The following MAGEE1 variants were observed in gnomAD, a reference collection of about 807,000 sequenced individuals.
The protein encoded by MAGEE1 is melanoma-associated antigen E1.
MAGEE1 carries 3 observed loss-of-function variants against 12.0 expected under a neutral mutation model. The ratio of observed to expected loss-of-function variants is 0.25; its 90% confidence interval spans 0.11 to 0.65. The LOEUF (loss-of-function observed/expected upper bound fraction) is 0.65, where lower values mean the gene tolerates loss of function less well. Ranked by LOEUF, MAGEE1 falls within the 30% of genes least tolerant of loss-of-function variation. The probability of loss-of-function intolerance (pLI) is 0.84; values close to 1 mark genes in which losing one functional copy is unlikely to be tolerated. For synonymous variants in MAGEE1, 414 were observed against 326.1 expected, an observed-to-expected ratio of 1.27 and a Z score of -2.91; for missense variants, 729 against 772.2, an observed-to-expected ratio of 0.94 and a Z score of 0.66.
Position 76,428,353 on chromosome X carries a change from G to T in MAGEE1, c.423G>T (p.Pro141=), listed in dbSNP as rs782562125. ...AASEGRNTSR[P]PTSSEEPSTS... is the part of the protein sequence containing the mutation. ...CTGAGGGCCGGAACACCTCCAGGCC[G>T]CCCACTTCCTCTGAGGAACCTAGCA... The change falls in exon 1 of 1, where the codon CCG becomes CCT. Residue 141 remains proline, a synonymous_variant. Coordinates refer to ENST00000361470, the MANE Select transcript of MAGEE1 (RefSeq NM_020932.3). 2 of 1,211,375 alleles carry T rather than the reference G, an allele frequency of 1.7e-6. No homozygotes were observed. The highest frequency in any genetic ancestry group is 2.2e-6 in the Non-Finnish European group (2 of 895,429).
Position 76,429,565 on chromosome X carries a change from G to T in MAGEE1, c.1635G>T (p.Arg545Ser). The T allele has an allele frequency of 1.7e-6, 2 of 1,211,470 alleles. No homozygotes were observed. The highest frequency in any genetic ancestry group is 2.2e-6 in the Non-Finnish European group (2 of 895,462). Residue 545 changes from arginine to serine, a missense_variant, in exon 1 of 1, where the codon AGG becomes AGT. Arg to Ser is a moderately radical substitution (Grantham distance 110). Around this residue, in one of 4 missense-constraint regions of MAGEE1, gnomAD observed 91 missense variants for 133.8 expected, o/e 0.68. Transcript: ENST00000361470. ...RAAAHLECIF[R>S]FELRELDPEA... ...CAGCCCACCTGGAGTGCATTTTTAG[G>T]TTTGAATTGAGAGAACTTGACCCTG...
rs782664668 is a variant in MAGEE1 at position 76,429,875 on chromosome X, G to A, written c.1945G>A (p.Val649Met). The A allele has an allele frequency of 1.5e-4, 180 of 1,209,825 alleles. 1 individual carries two copies. Among genetic ancestry groups the A allele is most frequent in the Non-Finnish European group, 2.0e-4 (177 of 895,263 alleles). ...CAGGCCAGTAACTGACTGTAAACCAGTGGAGTATGAGTTTTTCTGGGGCCC... is the reference window on the plus strand; with the variant it reads ...CAGGCCAGTAACTGACTGTAAACCAATGGAGTATGAGTTTTTCTGGGGCCC... ...DYRPVTDCKP[V>M]EYEFFWGPRS... Residue 649 changes from valine (V) to methionine (M), a missense_variant, in exon 1 of 1, where the codon GTG becomes ATG. Val to Met is a conservative substitution (Grantham distance 21). This residue lies in a region of MAGEE1 where 91 missense variants were observed against 133.8 expected (regional missense o/e 0.68). Coordinates refer to ENST00000361470, the MANE Select transcript of MAGEE1 (RefSeq NM_020932.3).
Position 76,428,700 on chromosome X carries a change from G to T in MAGEE1, c.770G>T (p.Ser257Ile). ...PVPPTRDEGPSTSVPATPGEG... is the reference protein window; with the variant it reads ...PVPPTRDEGPITSVPATPGEG... ...CCACCCACCCGTGATGAGGGACCGA[G>T]CACCTCCGTGCCGGCCACTCCTGGT... is the stretch of plus-strand genomic sequence containing the variant. Residue 257 changes from serine (S) to isoleucine (I), a missense_variant, in exon 1 of 1, where the codon AGC (serine) becomes ATC (isoleucine). Around this residue, in one of 4 missense-constraint regions of MAGEE1, gnomAD observed 473 missense variants for 423.7 expected, o/e 1.12. Transcript: ENST00000361470. The T allele has an allele frequency of 1.7e-6, 2 of 1,209,679 alleles. No individual in the cohort carries two copies. Among genetic ancestry groups the T allele is most frequent in the Non-Finnish European group, 2.2e-6 (2 of 894,537 alleles).
Position 76,430,792 on chromosome X carries a change from C to G in MAGEE1, c.2862C>G (p.His954Gln). The change falls in exon 1 of 1, where the codon CAC (histidine) becomes CAG (glutamine). Residue 954 changes from histidine to glutamine, a missense_variant. Physicochemically the swap from His to Gln is conservative, Grantham distance 24. This residue lies in a region of MAGEE1 where 101 missense variants were observed against 161.3 expected (regional missense o/e 0.63). Transcript: ENST00000361470. ...ADVGHRQIFVHNFR is the reference protein window; with the variant it reads ...ADVGHRQIFVQNFR ...TTGGGCACAGGCAAATCTTTGTTCACAACTTCAGGTAGAGGAATGCATGGC... is the reference window on the plus strand; with the variant it reads ...TTGGGCACAGGCAAATCTTTGTTCAGAACTTCAGGTAGAGGAATGCATGGC... 9.1e-7 allele frequency: 1 copy of G among 1,094,137 alleles called. No individual in the cohort carries two copies. Among genetic ancestry groups the G allele is most frequent in the African/African-American group, 1.9e-5 (1 of 51,378 alleles). The allele number at this position is 1,094,137 out of a possible 1,213,427, so 90.2% of individuals were successfully genotyped here. A position where few individuals can be genotyped will look rare whatever the true frequency, so the allele number is the denominator to read the frequency against.
rs782659622 is a variant in MAGEE1, at chrX:76,429,886, G to A, written c.1956G>A (p.Glu652=). ...CTGACTGTAAACCAGTGGAGTATGA[G>A]TTTTTCTGGGGCCCAAGATCCCACC... ...PVTDCKPVEY[E]FFWGPRSHLE... The change falls in exon 1 of 1, where the codon GAG becomes GAA. Residue 652 remains glutamate (E), a synonymous_variant. Transcript: ENST00000361470. The A allele has an allele frequency of 1.7e-5, 20 of 1,209,678 alleles. No individual in the cohort carries two copies. Among genetic ancestry groups the A allele is most frequent in the Non-Finnish European group, 2.2e-5 (20 of 895,224 alleles).
At position 76,428,979 on chromosome X, in the gene MAGEE1, A is replaced by G. The variant is rs1490533583; in HGVS notation, c.1049A>G (p.Glu350Gly). ...LSTSVPPTPG[E>G]GPSTSVLPIP... ...ACCTCCGTGCCGCCCACTCCCGGTG[A>G]GGGACCAAGCACTTCCGTACTGCCA... Residue 350 changes from glutamate (E) to glycine (G), a missense_variant, in exon 1 of 1, where the codon GAG becomes GGG. Physicochemically the swap from Glu to Gly is moderately conservative, Grantham distance 98. Around this residue, in one of 4 missense-constraint regions of MAGEE1, gnomAD observed 473 missense variants for 423.7 expected, o/e 1.12. Transcript: ENST00000361470. The G allele has an allele frequency of 5.0e-6, 6 of 1,209,555 alleles. No homozygotes were observed. In the Admixed American group the frequency reaches 1.3e-4, roughly 26 times the overall value.
rs1556839828 is a variant in MAGEE1, at chrX:76,429,991, C to T, written c.2061C>T (p.Tyr687=). ...NKDPMDWPEK[Y]NEALEEDAAR... is the part of the protein sequence containing the mutation. ...ATCCTATGGATTGGCCAGAGAAATACAACGAAGCTCTGGAAGAAGATGCTG... is the reference window on the plus strand; with the variant it reads ...ATCCTATGGATTGGCCAGAGAAATATAACGAAGCTCTGGAAGAAGATGCTG... Residue 687 remains tyrosine, a synonymous_variant, in exon 1 of 1, where the codon TAC becomes TAT. Coordinates refer to ENST00000361470, the MANE Select transcript of MAGEE1 (RefSeq NM_020932.3). 5.0e-6 allele frequency: 6 copies of T among 1,207,977 alleles called. No individual in the cohort carries two copies. Among genetic ancestry groups the T allele is most frequent in the Non-Finnish European group, 6.7e-6 (6 of 894,297 alleles).
At position 76,429,284 on chromosome X, in the gene MAGEE1, G is replaced by T; in HGVS notation, c.1354G>T (p.Gly452Cys). 16 of 1,211,467 alleles carry T rather than the reference G, an allele frequency of 1.3e-5. No homozygotes were observed. Among genetic ancestry groups the T allele is most frequent in the East Asian group, 3.0e-5 (1 of 33,816 alleles). Residue 452 changes from glycine to cysteine, a missense_variant, in exon 1 of 1, where the codon GGT becomes TGT. Coordinates refer to ENST00000361470, the MANE Select transcript of MAGEE1 (RefSeq NM_020932.3). ...GGACTCAGATTCTGAGGGTCCTAAG[G>T]GTGCAGAAGGCCCTATAGAATTCGA... ...SVDSDSEGPK[G>C]AEGPIEFEVL...
chrX:76,431,327 A>T lies in MAGEE1; in HGVS notation c.*523A>T, dbSNP rs1923379955. 1 of 124,493 alleles carries T rather than the reference A, an allele frequency of 8.0e-6. No homozygotes were observed. The highest frequency in any genetic ancestry group is 1.9e-5 in the Non-Finnish European group (1 of 54,000). 10.3% of individuals were successfully genotyped at this position (124,493 alleles called of 1,213,427 possible). A position where few individuals can be genotyped will look rare whatever the true frequency, so the allele number is the denominator to read the frequency against. On this transcript the variant is annotated 3_prime_UTR_variant, in exon 1 of 1. Transcript: ENST00000361470. ...GTACTAAAATGTAATGAAAAATAAA[A>T]GATTAATAAATGAAACATAATGCTA...
rs150157285 is a variant in MAGEE1, at chrX:76,428,999, C to A, written c.1069C>A (p.Leu357Met). 2 of 1,210,849 alleles carry A rather than the reference C, an allele frequency of 1.7e-6. No homozygotes were observed. The highest frequency in any genetic ancestry group is 1.7e-5 in the African/African-American group (1 of 57,518). ...CGGTGAGGGACCAAGCACTTCCGTA[C>A]TGCCAATCCCCGGTGAGGGACTGAG... ...TPGEGPSTSVLPIPGEGLSTS... is the reference protein window; with the variant it reads ...TPGEGPSTSVMPIPGEGLSTS... Residue 357 changes from leucine (L) to methionine (M), a missense_variant, in exon 1 of 1, where the codon CTG becomes ATG. Physicochemically the swap from Leu to Met is conservative, Grantham distance 15 (BLOSUM62 2). Coordinates refer to ENST00000361470, the MANE Select transcript of MAGEE1 (RefSeq NM_020932.3).
Position 76,430,192 on chromosome X carries a change from G to C in MAGEE1, c.2262G>C (p.Gln754His). Residue 754 changes from glutamine (Q) to histidine (H), a missense_variant, in exon 1 of 1, where the codon CAG becomes CAC. Gln to His is a conservative substitution (Grantham distance 24). Coordinates refer to ENST00000361470, the MANE Select transcript of MAGEE1 (RefSeq NM_020932.3). ...RLESKARKLV[Q>H]LFLLMDSTKL... Reference sequence around the variant, plus strand: ...AGAGCAAGGCAAGGAAGCTGGTGCAGTTATTTCTGCTTATGGATTCAACTA... The same window carrying C: ...AGAGCAAGGCAAGGAAGCTGGTGCACTTATTTCTGCTTATGGATTCAACTA... The C allele has an allele frequency of 8.3e-7, 1 of 1,211,904 alleles. No homozygotes were observed. The highest frequency in any genetic ancestry group is 1.1e-6 in the Non-Finnish European group (1 of 895,600).
rs1202583446 is a variant in MAGEE1 at position 76,431,006 on chromosome X, T to C, written c.*202T>C. Reference sequence around the variant, plus strand: ...ATATTGTCTGATTGGGTAAATGTGATTGACCACTTGCTGTCTCTGTTGTAT... The same window carrying C: ...ATATTGTCTGATTGGGTAAATGTGACTGACCACTTGCTGTCTCTGTTGTAT... On this transcript the variant is annotated 3_prime_UTR_variant, in exon 1 of 1. Coordinates refer to ENST00000361470, the MANE Select transcript of MAGEE1 (RefSeq NM_020932.3). The C allele has an allele frequency of 5.2e-6, 2 of 382,628 alleles. No individual in the cohort carries two copies. Among genetic ancestry groups the C allele is most frequent in the Non-Finnish European group, 9.2e-6 (2 of 217,442 alleles). The allele number at this position is 382,628 out of a possible 1,213,427, so 31.5% of individuals were successfully genotyped here. A position where few individuals can be genotyped will look rare whatever the true frequency, so the allele number is the denominator to read the frequency against.
rs1178556312 is a variant in MAGEE1 at position 76,429,463 on chromosome X, T to C, written c.1533T>C (p.Pro511=). The C allele has an allele frequency of 8.3e-7, 1 of 1,209,968 alleles. No homozygotes were observed. Among genetic ancestry groups the C allele is most frequent in the Non-Finnish European group, 1.1e-6 (1 of 895,291 alleles). The change falls in exon 1 of 1, where the codon CCT becomes CCC. Residue 511 remains proline, a synonymous_variant. Coordinates refer to ENST00000361470, the MANE Select transcript of MAGEE1 (RefSeq NM_020932.3). ...TGGTGAAGGATCAGAGCAAGTACCCTATCCGGGAGTCTGAAATGCGGGAAT... is the reference window on the plus strand; with the variant it reads ...TGGTGAAGGATCAGAGCAAGTACCCCATCCGGGAGTCTGAAATGCGGGAAT... The part of the protein sequence containing the change: ...FLLVKDQSKY[P]IRESEMREYI...
At position 76,428,654 on chromosome X, in the gene MAGEE1, G is replaced by A; in HGVS notation, c.724G>A (p.Glu242Lys). The change falls in exon 1 of 1, where the codon GAG becomes AAG. Residue 242 changes from glutamate to lysine, a missense_variant. Coordinates refer to ENST00000361470, the MANE Select transcript of MAGEE1 (RefSeq NM_020932.3). ...PSTSVPPTAT[E>K]GLSTPVPPTR... ...CACCTCCGTGCCGCCCACCGCCACTGAGGGCCTAAGCACCCCCGTGCCACC... is the reference window on the plus strand; with the variant it reads ...CACCTCCGTGCCGCCCACCGCCACTAAGGGCCTAAGCACCCCCGTGCCACC... 8.3e-7 allele frequency: 1 copy of A among 1,208,438 alleles called. No homozygotes were observed. Among genetic ancestry groups the A allele is most frequent in the Non-Finnish European group, 1.1e-6 (1 of 893,828 alleles).
rs1556839496 is a variant in MAGEE1, at chrX:76,428,887, C to A, written c.957C>A (p.Ser319=). 1.7e-6 allele frequency: 2 copies of A among 1,209,044 alleles called. No homozygotes were observed. The highest frequency in any genetic ancestry group is 3.5e-5 in the African/African-American group (2 of 57,394). The change falls in exon 1 of 1, where the codon TCC becomes TCA. Residue 319 remains serine, a synonymous_variant. Coordinates refer to ENST00000361470, the MANE Select transcript of MAGEE1 (RefSeq NM_020932.3). ...QPTAGEGSST[S]VPPTPGGGLS... ...CTGCTGGTGAGGGATCGAGCACCTCCGTGCCGCCCACCCCTGGTGGGGGAC... is the reference window on the plus strand; with the variant it reads ...CTGCTGGTGAGGGATCGAGCACCTCAGTGCCGCCCACCCCTGGTGGGGGAC...
chrX:76,427,741 G>A lies in MAGEE1; in HGVS notation c.-190G>A, dbSNP rs1302304437. 6.3e-6 allele frequency: 3 copies of A among 476,584 alleles called. No individual in the cohort carries two copies. The highest frequency in any genetic ancestry group is 3.6e-5 in the East Asian group (1 of 27,882). 39.3% of individuals were successfully genotyped at this position (476,584 alleles called of 1,213,427 possible). ...AGACTAGCATTCACTGCTGGCCAGTGCCTGCCTTTTTCACCACCTCTAATT... is the reference window on the plus strand; with the variant it reads ...AGACTAGCATTCACTGCTGGCCAGTACCTGCCTTTTTCACCACCTCTAATT... On this transcript the variant is annotated 5_prime_UTR_variant, in exon 1 of 1. Transcript: ENST00000361470.
rs782377373 is a variant in MAGEE1 at position 76,430,976 on chromosome X, T to G, written c.*172T>G. On this transcript the variant is annotated 3_prime_UTR_variant, in exon 1 of 1. Coordinates refer to ENST00000361470, the MANE Select transcript of MAGEE1 (RefSeq NM_020932.3). ...GGTGTCTGGAAATGTTTCAACTGTTTTAATATATTGTCTGATTGGGTAAAT... is the reference window on the plus strand; with the variant it reads ...GGTGTCTGGAAATGTTTCAACTGTTGTAATATATTGTCTGATTGGGTAAAT... 12 of 425,323 alleles carry G rather than the reference T, an allele frequency of 2.8e-5. No homozygotes were observed. The highest frequency in any genetic ancestry group is 4.1e-5 in the Non-Finnish European group (10 of 246,634). The allele number at this position is 425,323 out of a possible 1,213,427, so 35.1% of individuals were successfully genotyped here.
chrX:76,430,091 G>T lies in MAGEE1; in HGVS notation c.2161G>T (p.Val721Leu), dbSNP rs200871229. 104 of 1,209,678 alleles carry T rather than the reference G, an allele frequency of 8.6e-5. No homozygotes were observed. The highest frequency in any genetic ancestry group is 1.1e-4 in the Non-Finnish European group (94 of 895,086). The stretch of plus-strand genomic sequence containing the variant: ...CTTTTTTGAGGAAGCTGCTGCAGAG[G>T]TACCATCCCCTGATTCAGAGGTTTC... Reference protein sequence around the residue: ...RPFFEEAAAEVPSPDSEVSSY... With the variant: ...RPFFEEAAAELPSPDSEVSSY... The change falls in exon 1 of 1, where the codon GTA becomes TTA. Residue 721 changes from valine to leucine, a missense_variant. This residue lies in a region of MAGEE1 where 64 missense variants were observed against 53.4 expected (regional missense o/e 1.20). Coordinates refer to ENST00000361470, the MANE Select transcript of MAGEE1 (RefSeq NM_020932.3).
Position 76,430,588 on chromosome X carries a change from T to C in MAGEE1, c.2658T>C (p.Ser886=). 8.3e-7 allele frequency: 1 copy of C among 1,211,330 alleles called. No homozygotes were observed. The highest frequency in any genetic ancestry group is 1.8e-5 in the South Asian group (1 of 56,912). The change falls in exon 1 of 1, where the codon AGT becomes AGC. Residue 886 remains serine (S), a synonymous_variant. Transcript: ENST00000361470. Reference sequence around the variant, plus strand: ...ACTTGAGTCAGCGCTATATAGACAGTTTACGGGTTCCTGACAGTGATCCAG... The same window carrying C: ...ACTTGAGTCAGCGCTATATAGACAGCTTACGGGTTCCTGACAGTGATCCAG... ...CRYLSQRYID[S]LRVPDSDPVQ... is the part of the protein sequence containing the mutation.
Sources: gnomAD v4.1 joint callset for allele counts on GRCh38, gnomAD v4.1.1 for gene constraint, gnomAD v4.1.1 regional missense constraint, MANE v1.5 for transcripts, NCBI Gene and HGNC (gene_info 2026-07-23, HGNC 2026-07-21) for gene names.